Variants in CNRIP1 observed in about 807,000 individuals in gnomAD.
The protein encoded by CNRIP1 is CB1 cannabinoid receptor-interacting protein 1.
CNRIP1 carries 10 observed loss-of-function variants against 15.2 expected under a neutral mutation model. That is an observed-to-expected ratio of 0.66 (90% CI 0.41 to 1.12). CNRIP1 has a LOEUF of 1.12. Among genes scored for constraint, CNRIP1 ranks in the 50% most tolerant of loss-of-function variants. The probability of loss-of-function intolerance (pLI) is 0.00; values close to 1 mark genes in which losing one functional copy is unlikely to be tolerated. For synonymous variants in CNRIP1, 91 were observed against 83.2 expected (o/e 1.09, Z -0.51); for missense variants, 211 against 214.7 (o/e 0.98, Z 0.11).
At chr2:68,289,740 C>A (rs1262203808), downstream of CNRIP1, among the ~76,000 whole-genome samples, 1 of 152,208 alleles carries the variant, frequency 6.6e-6, no homozygotes, top group Non-Finnish European at 1.5e-5. Flanking sequence ...ATTGGCCCCC[C>A]AAAGTGCTGG....
At chr2:68,287,733 AG>A (rs1339216474) in intron 2 of CNRIP1, among the ~76,000 whole-genome samples, 10 of 152,250 alleles carry the variant, frequency 6.6e-5, no homozygotes, top group Admixed American at 1.3e-4. Flanking sequence ...CAGAGCTACC[AG>A]CACATGGCCT....
intron 2 of CNRIP1, among the ~76,000 whole-genome samples, chr2:68,300,181 A>T (rs189981869): frequency 6.6e-6 from 1 of 152,316 alleles, no homozygotes; most frequent in Admixed American, 6.5e-5. Flanking sequence ...AGCAACTGTT[A>T]AACTTTTCCT....
At chr2:68,311,782 A>AGT (rs1672084358) in intron 2 of CNRIP1, among the ~76,000 whole-genome samples, 1 of 148,068 alleles carries the variant, frequency 6.8e-6, no homozygotes, top group African/African-American at 2.5e-5. Context: ...CTCCGGGGAA[A>AGT]AAAAAAAAAA....
At chr2:68,298,503 C>T (rs772720481) in intron 2 of CNRIP1, among the ~76,000 whole-genome samples, 1 of 152,000 alleles carries the variant, frequency 6.6e-6, no homozygotes, top group Non-Finnish European at 1.5e-5. Context: ...AAACGTAAGG[C>T]TTATGTCTAA....
chr2:68,299,488 G>C (rs559484744), intron 2 of CNRIP1, among the ~76,000 whole-genome samples: 1 of 152,256 alleles, frequency 6.6e-6, no homozygotes, highest in South Asian at 2.1e-4. Context: ...TGCCGTATGA[G>C]GATACATCAA....
chr2:68,291,437 G>C (rs751325484), downstream of CNRIP1, among the ~76,000 whole-genome samples: 11 of 152,086 alleles, frequency 7.2e-5, no homozygotes, highest in African/African-American at 2.7e-4. Context: ...ATGTGAGCAG[G>C]ACTCCCACGC....
chr2:68,314,133 G>T (rs932373970), intron 2 of CNRIP1, among the ~76,000 whole-genome samples: 3 of 151,918 alleles, frequency 2.0e-5, no homozygotes, highest in African/African-American at 7.2e-5. Context: ...TTTCATATTA[G>T]CAATTATTTA....
chr2:68,293,343 A>G lies in CNRIP1; in HGVS notation c.*519T>C. The G allele has an allele frequency of 1.0e-6, 1 of 986,458 alleles. No individual in the cohort carries two copies. The highest frequency in any genetic ancestry group is 1.2e-6 in the Non-Finnish European group (1 of 830,570). 61.1% of individuals were successfully genotyped at this position (986,458 alleles called of 1,614,324 possible). On this transcript the variant is annotated 3_prime_UTR_variant, in exon 3 of 3. Coordinates refer to ENST00000263655, the MANE Select transcript of CNRIP1 (RefSeq NM_015463.3). ...CGGAGCTGTTTATAGGAAGCACAAC[A>G]TTTGAGTCCCATTCACTGCTGTTTG...
intron 2 of CNRIP1, among the ~76,000 whole-genome samples, chr2:68,306,433 T>A (rs1203757495): frequency 6.6e-6 from 1 of 151,982 alleles, no homozygotes; most frequent in Non-Finnish European, 1.5e-5. Flanking sequence ...CAATGAAAAG[T>A]GTATTCCACT....
intron 2 of CNRIP1, among the ~76,000 whole-genome samples, chr2:68,284,810 C>T (rs1279184577): frequency 1.4e-5 from 1 of 73,802 alleles, no homozygotes; most frequent in East Asian, 3.7e-4. Flanking sequence ...GACTCTGTCT[C>T]AAAAAAAAAA....
Position 68,319,654 on chromosome 2 carries a change from T to G in CNRIP1, c.-254A>C. On this transcript the variant is annotated 5_prime_UTR_variant, in exon 1 of 3. Coordinates refer to ENST00000263655, the MANE Select transcript of CNRIP1 (RefSeq NM_015463.3). ...AAGAGACGGCTCCAAGGCCGCGCGC[T>G]TCCCCATCCCCCGCTCCAGTGCTGC... 1.1e-5 allele frequency: 5 copies of G among 445,306 alleles called. No individual in the cohort carries two copies. The highest frequency in any genetic ancestry group is 2.1e-5 in the African/African-American group (1 of 47,566). 27.6% of individuals were successfully genotyped at this position (445,306 alleles called of 1,614,324 possible).
intron 2 of CNRIP1, among the ~76,000 whole-genome samples, chr2:68,284,797 C>T (rs1391346830): frequency 3.7e-5 from 5 of 134,820 alleles, no homozygotes; most frequent in African/African-American, 1.5e-4. Flanking sequence ...AGTGACAGAG[C>T]GAGACTCTGT....
chr2:68,302,256 G>A (rs554535478), intron 2 of CNRIP1, among the ~76,000 whole-genome samples: 1 of 152,204 alleles, frequency 6.6e-6, no homozygotes, highest in African/African-American at 2.4e-5. Context: ...AGACCAGACA[G>A]CTGTCACGAG....
intron 2 of CNRIP1, among the ~76,000 whole-genome samples, chr2:68,301,893 C>CAAAAAAAAAAA (rs61613452): frequency 1.3e-5 from 1 of 74,272 alleles, no homozygotes; most frequent in African/African-American, 5.0e-5. Flanking sequence ...GTCTCCGTCT[C>CAAAAAAAAAAA]AAAAAAAAAA....
chr2:68,292,244 A>G (rs938343066), downstream of CNRIP1, among the ~76,000 whole-genome samples: 2 of 152,202 alleles, frequency 1.3e-5, no homozygotes, highest in African/African-American at 4.8e-5. Context: ...CAAAAAAACA[A>G]ACAAAAAACA....
chr2:68,316,983 G>A, intron 2 of CNRIP1, 174 bp downstream of exon 2: 2 of 773,332 alleles, frequency 2.6e-6, no homozygotes, highest in Non-Finnish European at 4.6e-6. Flanking sequence ...ATGCAAAAGA[G>A]CATTAATTAA....
At chr2:68,305,116 T>G (rs1033884292) in intron 2 of CNRIP1, among the ~76,000 whole-genome samples, 2 of 151,628 alleles carry the variant, frequency 1.3e-5, no homozygotes, top group Non-Finnish European at 2.9e-5. Flanking sequence ...TGGTGGCACA[T>G]GCCTGCAATC....
intron 2 of CNRIP1, among the ~76,000 whole-genome samples, chr2:68,302,906 G>T (rs1230089811): frequency 1.3e-5 from 2 of 148,286 alleles, no homozygotes; most frequent in Non-Finnish European, 3.0e-5. Flanking sequence ...GAGTGCAGTG[G>T]TGCGATCTCG....
chr2:68,317,934 T>C (rs1009015619), intron 1 of CNRIP1, among the ~76,000 whole-genome samples: 2 of 152,020 alleles, frequency 1.3e-5, no homozygotes, highest in Non-Finnish European at 2.9e-5. Context: ...CTTGATAGCA[T>C]TAAAATGTAA....
Sources: allele counts gnomAD v4.1 joint callset (sites outside exome capture counted in the v4.1 genomes callset), GRCh38; gene constraint gnomAD v4.1.1; transcripts MANE v1.5; gene names NCBI Gene and HGNC (gene_info 2026-07-23, HGNC 2026-07-21).